Variants in DNM3 observed in about 807,000 individuals in gnomAD.
DNM3 encodes the protein dynamin-3.
A neutral mutation model predicts 101.6 loss-of-function variants in DNM3; 47 were observed. The observed-to-expected ratio is 0.46, with a 90% CI of 0.37 to 0.59. The LOEUF (loss-of-function observed/expected upper bound fraction) is 0.59. DNM3 is among the 20% of genes least tolerant of loss of function. The pLI is 0.00. For synonymous variants in DNM3, 385 were observed against 387.9 expected, an observed-to-expected ratio of 0.99 and a Z score of 0.09; for missense variants, 849 against 1,085.7, an observed-to-expected ratio of 0.78 and a Z score of 3.06.
intron 1 of DNM3, among the ~76,000 whole-genome samples, chr1:171,862,828 G>T (rs1333068459): frequency 6.6e-6 from 1 of 152,074 alleles, no homozygotes; most frequent in East Asian, 1.9e-4. Context: ...CAACAGAAGG[G>T]CCCTGCAAGG....
At chr1:172,091,215 T>C (rs1036109236) in intron 12 of DNM3, among the ~76,000 whole-genome samples, 30 of 152,320 alleles carry the variant, frequency 2.0e-4, no homozygotes, top group African/African-American at 2.4e-4. Context: ...CCATGTGCCA[T>C]GTCCTTTGCA....
chr1:171,939,810 T>G (rs2041692423), intron 2 of DNM3, among the ~76,000 whole-genome samples: 1 of 152,198 alleles, frequency 6.6e-6, no homozygotes, highest in South Asian at 2.1e-4. Flanking sequence ...TACGCCTTCT[T>G]ACTCTTATTG....
At chr1:171,873,735 CTG>C (rs748578505) in intron 1 of DNM3, among the ~76,000 whole-genome samples, 29 of 152,188 alleles carry the variant, frequency 1.9e-4, no homozygotes, top group Non-Finnish European at 7.4e-5. Context: ...ATACGAAAAA[CTG>C]TACGCTTTTT....
chr1:171,999,777 A>C (rs549354107), intron 4 of DNM3, among the ~76,000 whole-genome samples: 1 of 152,132 alleles, frequency 6.6e-6, no homozygotes, highest in Non-Finnish European at 1.5e-5. Flanking sequence ...AAAGAGAGAG[A>C]TTTAAGACAG....
intron 13 of DNM3, among the ~76,000 whole-genome samples, chr1:172,101,387 T>A (rs775970383): frequency 1.3e-5 from 2 of 152,242 alleles, no homozygotes; most frequent in Non-Finnish European, 2.9e-5. Flanking sequence ...AGCAACATAG[T>A]GCCTTGGTTC....
chr1:172,342,738 GA>G (rs899287734), intron 17 of DNM3, among the ~76,000 whole-genome samples: 2 of 151,678 alleles, frequency 1.3e-5, no homozygotes, highest in African/African-American at 2.4e-5. Context: ...AAGTTAAAGG[GA>G]AAAAAAAGTA....
At chr1:172,118,566 A>T (rs2147997144) in intron 13 of DNM3, among the ~76,000 whole-genome samples, 1 of 151,988 alleles carries the variant, frequency 6.6e-6, no homozygotes, top group South Asian at 2.1e-4. Context: ...CTTCTTTTGC[A>T]ATTTTGGAAG....
chr1:172,071,213 C>G (rs951864193), intron 11 of DNM3, among the ~76,000 whole-genome samples: 2 of 149,724 alleles, frequency 1.3e-5, no homozygotes, highest in African/African-American at 4.9e-5. Flanking sequence ...TTTTCTGATT[C>G]CAAGGGAAAT....
intron 2 of DNM3, among the ~76,000 whole-genome samples, chr1:171,945,751 T>C (rs929738281): frequency 2.0e-5 from 3 of 152,108 alleles, no homozygotes; most frequent in African/African-American, 7.2e-5. Context: ...TTGGGAATAA[T>C]GGGGATTGGC....
At chr1:172,052,804 C>A (rs995200248) in intron 10 of DNM3, among the ~76,000 whole-genome samples, 7 of 152,118 alleles carry the variant, frequency 4.6e-5, no homozygotes, top group African/African-American at 1.7e-4. Context: ...TATATTTTCT[C>A]CTTGACAGAT....
At chr1:172,335,543 C>G (rs1018569203) in intron 17 of DNM3, among the ~76,000 whole-genome samples, 18 of 152,078 alleles carry the variant, frequency 1.2e-4, no homozygotes, top group Non-Finnish European at 2.1e-4. Flanking sequence ...ATGGAATCAA[C>G]CTAGGTGCCT....
chr1:172,415,162 T>G (rs1423767796), downstream of DNM3: 2 of 152,220 alleles, frequency 1.3e-5, no homozygotes, highest in Non-Finnish European at 2.9e-5. Flanking sequence ...GCTCTGGTAC[T>G]TTGTCAAAGG....
intron 1 of DNM3, among the ~76,000 whole-genome samples, chr1:171,916,556 A>G (rs1013756795): frequency 6.6e-6 from 1 of 152,092 alleles, no homozygotes; most frequent in South Asian, 2.1e-4. Flanking sequence ...AAATCCTGCC[A>G]TTTGTCTTCT....
At chr1:172,062,384 G>A (rs955318587) in intron 10 of DNM3, among the ~76,000 whole-genome samples, 1 of 152,014 alleles carries the variant, frequency 6.6e-6, no homozygotes, top group Non-Finnish European at 1.5e-5. Context: ...ACTCAAGGTT[G>A]GACTTTTTGT....
chr1:171,876,569 G>A (rs1245027640), intron 1 of DNM3, among the ~76,000 whole-genome samples: 1 of 152,134 alleles, frequency 6.6e-6, no homozygotes, highest in Non-Finnish European at 1.5e-5. Context: ...ATTTATTCCT[G>A]AGTGTCTTTT....
intron 1 of DNM3, among the ~76,000 whole-genome samples, chr1:171,891,943 T>C (rs1484518689): frequency 2.6e-5 from 4 of 152,234 alleles, no homozygotes; most frequent in Non-Finnish European, 4.4e-5. Flanking sequence ...GAGAGTGTAT[T>C]GTATTATCTA....
At chr1:172,157,026 A>G (rs10911123) in intron 14 of DNM3, among the ~76,000 whole-genome samples, 55,438 of 151,892 alleles carry the variant, frequency 0.36, 13,194 homozygotes, top group African/African-American at 0.65. Flanking sequence ...GATCAGGATG[A>G]GGTGGATGGT....
intron 1 of DNM3, among the ~76,000 whole-genome samples, chr1:171,873,166 T>C (rs1024871274): frequency 1.3e-5 from 2 of 152,182 alleles, no homozygotes; most frequent in African/African-American, 4.8e-5. Flanking sequence ...AGCTGTGAAG[T>C]TGTCCAATCT....
At chr1:172,211,607 T>C (rs1475788286) in intron 14 of DNM3, among the ~76,000 whole-genome samples, 3 of 152,134 alleles carry the variant, frequency 2.0e-5, no homozygotes, top group Non-Finnish European at 4.4e-5. Context: ...AAGTATCTCA[T>C]GTGGACTGAA....
Sources: allele counts gnomAD v4.1 joint callset (sites outside exome capture counted in the v4.1 genomes callset), GRCh38; gene constraint gnomAD v4.1.1; transcripts MANE v1.5; gene names NCBI Gene and HGNC (gene_info 2026-07-23, HGNC 2026-07-21).